The following FILIP1L variants were observed in gnomAD, a reference collection of about 807,000 sequenced individuals.
FILIP1L encodes filamin A interacting protein 1 like, also known as filamin A-interacting protein 1-like.
Under a neutral mutation model 96.6 loss-of-function variants are expected in FILIP1L, and 55 were observed. The observed-to-expected ratio is 0.57, with a 90% CI of 0.46 to 0.71. The LOEUF is 0.71. FILIP1L is among the 30% of genes least tolerant of loss of function. The probability of loss-of-function intolerance (pLI) is 0.00; values close to 1 mark genes in which losing one functional copy is unlikely to be tolerated. For synonymous variants in FILIP1L, 467 were observed against 473.9 expected, an observed-to-expected ratio of 0.99 and a Z score of 0.19; for missense variants, 1,304 against 1,321.2, an observed-to-expected ratio of 0.99 and a Z score of 0.20.
At chr3:100,029,085 G>T (rs1429917527) in intron 1 of FILIP1L, among the ~76,000 whole-genome samples, 1 of 151,998 alleles carries the variant, frequency 6.6e-6, no homozygotes, top group Non-Finnish European at 1.5e-5. Context: ...AAGCTACCCT[G>T]GGAGCTGAGG....
chr3:100,053,152 T>C (rs2065402085), intron 1 of FILIP1L, among the ~76,000 whole-genome samples: 1 of 152,206 alleles, frequency 6.6e-6, no homozygotes, highest in Non-Finnish European at 1.5e-5. Context: ...TTGTAAGTCA[T>C]TGTATAATTC....
At chr3:99,981,741 G>A (rs1559712664) in intron 1 of FILIP1L, among the ~76,000 whole-genome samples, 1 of 152,162 alleles carries the variant, frequency 6.6e-6, no homozygotes, top group Non-Finnish European at 1.5e-5. Flanking sequence ...CAAATTGCGT[G>A]CTATTTTCTC....
chr3:99,901,062 T>A (rs1706419551), intron 4 of FILIP1L, among the ~76,000 whole-genome samples: 1 of 152,212 alleles, frequency 6.6e-6, no homozygotes, highest in Non-Finnish European at 1.5e-5. Context: ...TGGATAACAT[T>A]TGGTGTGGAA....
chr3:100,015,058 T>C (rs985157889), intron 1 of FILIP1L, among the ~76,000 whole-genome samples: 1 of 151,862 alleles, frequency 6.6e-6, no homozygotes, highest in Non-Finnish European at 1.5e-5. Flanking sequence ...CTATCTTGAG[T>C]TGAATTTTGT....
intron 5 of FILIP1L, among the ~76,000 whole-genome samples, chr3:99,833,990 A>G (rs1942793101): frequency 6.6e-6 from 1 of 152,262 alleles, no homozygotes; most frequent in Non-Finnish European, 1.5e-5. Flanking sequence ...CTGAAGAAAA[A>G]TATATTTGAA....
chr3:99,888,944 T>C (rs2107612022), intron 4 of FILIP1L, among the ~76,000 whole-genome samples: 1 of 152,288 alleles, frequency 6.6e-6, no homozygotes, highest in Admixed American at 6.5e-5. Context: ...AGGAAGAGCA[T>C]CTTTTTTGTC....
chr3:99,836,412 T>C (rs1416294534), intron 5 of FILIP1L, among the ~76,000 whole-genome samples: 1 of 152,126 alleles, frequency 6.6e-6, no homozygotes, highest in Non-Finnish European at 1.5e-5. Context: ...AAGTTTGAAG[T>C]GTATAGTTGG....
chr3:100,093,782 AT>A (rs1265790830), intron 1 of FILIP1L, among the ~76,000 whole-genome samples: 10 of 152,390 alleles, frequency 6.6e-5, no homozygotes, highest in Admixed American at 1.3e-4. Context: ...AAAACAGTAT[AT>A]AAATAGAATC....
intron 1 of FILIP1L, among the ~76,000 whole-genome samples, chr3:99,951,294 G>A (rs1352743964): frequency 4.6e-5 from 7 of 152,146 alleles, no homozygotes; most frequent in Non-Finnish European, 8.8e-5. Flanking sequence ...AGTAATTACA[G>A]TAGCTATTTT....
At chr3:100,055,426 A>G (rs982199407) in intron 1 of FILIP1L, among the ~76,000 whole-genome samples, 1 of 152,212 alleles carries the variant, frequency 6.6e-6, no homozygotes, top group Non-Finnish European at 1.5e-5. Flanking sequence ...AGGACATGTT[A>G]TCACACTGTG....
At chr3:99,968,994 T>A (rs1708736594) in intron 1 of FILIP1L, among the ~76,000 whole-genome samples, 1 of 152,014 alleles carries the variant, frequency 6.6e-6, no homozygotes, top group Non-Finnish European at 1.5e-5. Flanking sequence ...TGATAAAAGA[T>A]TTAAATGGGT....
intron 1 of FILIP1L, among the ~76,000 whole-genome samples, chr3:100,074,612 T>C (rs1278489765): frequency 4.6e-5 from 7 of 150,904 alleles, no homozygotes; most frequent in African/African-American, 1.7e-4. Context: ...AATACATCTT[T>C]CTGTTGAAGT....
rs1022186634 is a variant in FILIP1L at position 99,829,437 on chromosome 3, A to G, written c.*977T>C. 3.3e-5 allele frequency among the ~76,000 whole-genome samples: 5 copies of G among 152,150 alleles called. No individual in the cohort carries two copies. The highest frequency in any genetic ancestry group is 7.3e-5 in the Non-Finnish European group (5 of 68,032). On this transcript the variant is annotated 3_prime_UTR_variant, in exon 6 of 6. Transcript: ENST00000477258. ...GGGACTGTGTCTACCCTTATAGATG[A>G]CTGTTTGAATTCAACATTTTGTATT... is the stretch of plus-strand genomic sequence containing the variant.
At chr3:99,848,144 T>C in intron 5 of FILIP1L, 151 bp downstream of exon 5, 2 of 1,510,772 alleles carry the variant, frequency 1.3e-6, no homozygotes, top group African/African-American at 1.4e-5. Context: ...TCAGATACTC[T>C]TGTATAGTTC....
At chr3:100,016,150 A>G (rs1472079514) in intron 1 of FILIP1L, among the ~76,000 whole-genome samples, 1 of 151,932 alleles carries the variant, frequency 6.6e-6, no homozygotes, top group Non-Finnish European at 1.5e-5. Flanking sequence ...TCTCCTAGAC[A>G]GTTTCTGAGT....
At chr3:99,865,689 A>G (rs543654000) in intron 4 of FILIP1L, among the ~76,000 whole-genome samples, 3 of 152,204 alleles carry the variant, frequency 2.0e-5, no homozygotes, top group African/African-American at 4.8e-5. Context: ...CAAGGAACCT[A>G]AAGTTCTTGG....
At chr3:100,067,715 G>A (rs190087986) in intron 1 of FILIP1L, among the ~76,000 whole-genome samples, 38 of 152,162 alleles carry the variant, frequency 2.5e-4, no homozygotes, top group African/African-American at 9.2e-4. Context: ...TAAAAACTGT[G>A]TACTGCACAC....
intron 1 of FILIP1L, chr3:100,025,377 T>G (rs2064899624): frequency 6.6e-6 from 1 of 152,186 alleles, no homozygotes; most frequent in Non-Finnish European, 1.5e-5. Flanking sequence ...TAATACCAAC[T>G]TGGGAAGATT....
intron 4 of FILIP1L, among the ~76,000 whole-genome samples, chr3:99,921,450 G>T (rs1707122023): frequency 6.6e-6 from 1 of 152,184 alleles, no homozygotes; most frequent in Non-Finnish European, 1.5e-5. Flanking sequence ...ACGTGAATGG[G>T]CCCACACTAC....
Sources: allele counts gnomAD v4.1 joint callset (sites outside exome capture counted in the v4.1 genomes callset), GRCh38; gene constraint gnomAD v4.1.1; transcripts MANE v1.5; gene names NCBI Gene and HGNC (gene_info 2026-07-23, HGNC 2026-07-21).